The following SKIL variants were observed in gnomAD, a reference collection of about 807,000 sequenced individuals.
SKIL encodes the protein ski-like protein.
Under a neutral mutation model 69.6 loss-of-function variants are expected in SKIL, and 20 were observed. The observed-to-expected ratio is 0.29, with a 90% CI of 0.20 to 0.42. The LOEUF is 0.42. SKIL is among the 10% of genes least tolerant of loss of function. The pLI is 1.00. For missense variants in SKIL, 745 were observed against 783.1 expected (o/e 0.95, Z 0.58); for synonymous variants, 310 against 279.9 (o/e 1.11, Z -1.08).
chr3:170,373,352 T>C (rs1736879070), intron 2 of SKIL, among the ~76,000 whole-genome samples: 3 of 152,084 alleles, frequency 2.0e-5, no homozygotes, highest in Admixed American at 2.0e-4. Flanking sequence ...GCTAATTTTA[T>C]ATTTTTAGTA....
chr3:170,385,668 C>G (rs1737585544), intron 4 of SKIL, among the ~76,000 whole-genome samples: 1 of 152,154 alleles, frequency 6.6e-6, no homozygotes, highest in African/African-American at 2.4e-5. Flanking sequence ...CATATAGCAG[C>G]ACAGCTTTGC....
intron 2 of SKIL, among the ~76,000 whole-genome samples, chr3:170,372,570 TCA>T (rs1486597871): frequency 1.3e-5 from 2 of 152,208 alleles, no homozygotes; most frequent in African/African-American, 4.8e-5. Context: ...AAACACTAAC[TCA>T]CAACATGTTG....
chr3:170,370,999 A>G (rs1449148758), intron 2 of SKIL, among the ~76,000 whole-genome samples: 2 of 152,328 alleles, frequency 1.3e-5, no homozygotes, highest in East Asian at 1.9e-4. Flanking sequence ...TAAGACTTCT[A>G]TGCTTTTTAT....
intron 2 of SKIL, among the ~76,000 whole-genome samples, chr3:170,367,708 A>G (rs1034062524): frequency 4.1e-5 from 6 of 148,076 alleles, no homozygotes; most frequent in African/African-American, 1.5e-4. Flanking sequence ...ATCTCAGGCA[A>G]TCCACCAGCC....
chr3:170,378,044 C>T (rs976576013), intron 2 of SKIL, among the ~76,000 whole-genome samples: 6 of 151,896 alleles, frequency 4.0e-5, no homozygotes, highest in Non-Finnish European at 8.8e-5. Context: ...CAGGTGCGTA[C>T]CACCACACCT....
chr3:170,379,676 C>A (rs548468551), intron 2 of SKIL, among the ~76,000 whole-genome samples: 1 of 152,016 alleles, frequency 6.6e-6, no homozygotes, highest in Non-Finnish European at 1.5e-5. Flanking sequence ...ACGATTCTTG[C>A]TCTGTTGCCC....
In SKIL at chr3:170,387,933, CAAAAAAAAAAAA is replaced by C. The variant is rs541166783; in HGVS notation, c.1430-2277_1430-2266del. ...TGGGCGACAGAGCGAGACTCCGTCT[CAAAAAAAAAAAA>C]AAAAAAAAAAAAGAATAATGCTGCT... On this transcript the variant is annotated intron_variant, in intron 4 of 6. Transcript: ENST00000259119. Among the ~76,000 whole-genome samples the C allele has an allele frequency of 2.0e-4, 10 of 51,092 alleles. No homozygotes were observed. The Admixed American group carries it at 2.8e-3, about 14-fold the overall frequency. The allele number at this position is 51,092 out of a possible 152,430, so 33.5% of individuals were successfully genotyped here.
chr3:170,394,079 A>G lies in SKIL; in HGVS notation c.*1662A>G, dbSNP rs1292940663. 1 of 150,894 alleles carries G rather than the reference A, an allele frequency of 6.6e-6. No homozygotes were observed. The highest frequency in any genetic ancestry group is 1.5e-5 in the Non-Finnish European group (1 of 67,812). The allele number at this position is 150,894 out of a possible 1,614,324, so 9.3% of individuals were successfully genotyped here. ...TTCGTTGAGTCTTGGAATCTTCTCAAGGAGGAACAAATATTAAAATGACAT... is the reference window on the plus strand; with the variant it reads ...TTCGTTGAGTCTTGGAATCTTCTCAGGGAGGAACAAATATTAAAATGACAT... On this transcript the variant is annotated 3_prime_UTR_variant, in exon 7 of 7. Coordinates refer to ENST00000259119, the MANE Select transcript of SKIL (RefSeq NM_005414.5).
At chr3:170,379,279 T>C (rs971847409) in intron 2 of SKIL, among the ~76,000 whole-genome samples, 1 of 152,106 alleles carries the variant, frequency 6.6e-6, no homozygotes, top group Admixed American at 6.6e-5. Flanking sequence ...CGCCTGGCCA[T>C]GGAACCTCTT....
At chr3:170,374,157 C>A (rs2108205274) in intron 2 of SKIL, among the ~76,000 whole-genome samples, 1 of 152,216 alleles carries the variant, frequency 6.6e-6, no homozygotes, top group South Asian at 2.1e-4. Context: ...TTTAGAGAAA[C>A]TTTCATAAAA....
intron 2 of SKIL, among the ~76,000 whole-genome samples, chr3:170,377,962 C>G (rs1268667542): frequency 1.3e-5 from 2 of 152,016 alleles, no homozygotes; most frequent in Non-Finnish European, 2.9e-5. Flanking sequence ...GGCGCCGTCT[C>G]GGCTCACTGC....
At chr3:170,367,228 C>T (rs1423894395) in intron 2 of SKIL, among the ~76,000 whole-genome samples, 2 of 150,614 alleles carry the variant, frequency 1.3e-5, no homozygotes, top group African/African-American at 2.4e-5. Context: ...CCTGCCTCAG[C>T]CCCCTGAGTA....
At position 170,360,756 on chromosome 3, in the gene SKIL, C is replaced by A; in HGVS notation, c.425C>A (p.Thr142Lys). 6.2e-7 allele frequency: 1 copy of A among 1,614,188 alleles called. No individual in the cohort carries two copies. Among genetic ancestry groups the A allele is most frequent in the Non-Finnish European group, 8.5e-7 (1 of 1,180,014 alleles). The part of the protein sequence containing the change: ...GPLLIPSDSS[T>K]ELTQTVLEGE... Reference sequence around the variant, plus strand: ...TTGCTCATCCCTTCAGATAGCTCCACAGAACTCACTCAGACTGTGTTGGAA... The same window carrying A: ...TTGCTCATCCCTTCAGATAGCTCCAAAGAACTCACTCAGACTGTGTTGGAA... Residue 142 changes from threonine (T) to lysine (K), a missense_variant, in exon 2 of 7, where the codon ACA (threonine) becomes AAA (lysine). Physicochemically the swap from Thr to Lys is moderately conservative, Grantham distance 78. Coordinates refer to ENST00000259119, the MANE Select transcript of SKIL (RefSeq NM_005414.5).
At chr3:170,371,788 C>T (rs1172330178) in intron 2 of SKIL, among the ~76,000 whole-genome samples, 1 of 152,122 alleles carries the variant, frequency 6.6e-6, no homozygotes, top group East Asian at 1.9e-4. Context: ...TTAAATTCTC[C>T]TGAGAACCTC....
intron 2 of SKIL, among the ~76,000 whole-genome samples, chr3:170,371,461 C>T (rs908280464): frequency 1.3e-5 from 2 of 152,090 alleles, no homozygotes; most frequent in Admixed American, 6.5e-5. Context: ...GAGCGGAGAT[C>T]GTGCTACTGC....
In SKIL at chr3:170,395,268, T is replaced by C. The variant is rs539616114; in HGVS notation, c.*2851T>C. The C allele has an allele frequency of 1.3e-5, 2 of 152,280 alleles. No individual in the cohort carries two copies. Among genetic ancestry groups the C allele is most frequent in the Admixed American group, 6.5e-5 (1 of 15,296 alleles). The allele number at this position is 152,280 out of a possible 1,614,324, so 9.4% of individuals were successfully genotyped here. On this transcript the variant is annotated 3_prime_UTR_variant, in exon 7 of 7. Coordinates refer to ENST00000259119, the MANE Select transcript of SKIL (RefSeq NM_005414.5). ...CCCTAAATTTCACAAATGTAACTTA[T>C]AACACTATGAAAAGATTTGACCAAC...
intron 2 of SKIL, among the ~76,000 whole-genome samples, chr3:170,373,391 C>A (rs1053005451): frequency 1.4e-5 from 2 of 140,544 alleles, no homozygotes; most frequent in Non-Finnish European, 3.1e-5. Context: ...GTTGGCCGGG[C>A]TGGTCTTGAA....
rs945352368 is a variant in SKIL at position 170,381,320 on chromosome 3, C to T, written c.1175C>T (p.Thr392Ile). Reference sequence around the variant, plus strand: ...CAGGAAGGTGACCATGTTTCTCAGACACATTCATTTTTACACCCCAGGTGA... The same window carrying T: ...CAGGAAGGTGACCATGTTTCTCAGATACATTCATTTTTACACCCCAGGTGA... ...IKQEGDHVSQTHSFLHPSYYL... is the reference protein window; with the variant it reads ...IKQEGDHVSQIHSFLHPSYYL... The change falls in exon 3 of 7, where the codon ACA becomes ATA. Residue 392 changes from threonine to isoleucine, a missense_variant. Coordinates refer to ENST00000259119, the MANE Select transcript of SKIL (RefSeq NM_005414.5). 4 of 1,577,988 alleles carry T rather than the reference C, an allele frequency of 2.5e-6. No individual in the cohort carries two copies. The highest frequency in any genetic ancestry group is 3.5e-6 in the Non-Finnish European group (4 of 1,147,116).
intron 2 of SKIL, among the ~76,000 whole-genome samples, chr3:170,369,082 A>ATTTT (rs55652320): frequency 7.9e-6 from 1 of 126,776 alleles, no homozygotes. Context: ...TATCCCTGGC[A>ATTTT]TTTTTTTTTT....
Sources: allele counts gnomAD v4.1 joint callset (sites outside exome capture counted in the v4.1 genomes callset), GRCh38; gene constraint gnomAD v4.1.1; transcripts MANE v1.5; gene names NCBI Gene and HGNC (gene_info 2026-07-23, HGNC 2026-07-21).